The following PAK3 variants were observed in gnomAD, a reference collection of about 807,000 sequenced individuals.
PAK3 encodes p21 (RAC1) activated kinase 3, also known as serine/threonine-protein kinase PAK 3.
PAK3 carries 4 observed loss-of-function variants against 41.0 expected under a neutral mutation model. The observed-to-expected ratio is 0.10, with a 90% CI of 0.05 to 0.22. The LOEUF is 0.22. Ranked by LOEUF, PAK3 falls within the 10% of genes least tolerant of loss-of-function variation. PAK3 has a pLI of 1.00. For missense variants in PAK3, 205 were observed against 409.9 expected, an observed-to-expected ratio of 0.50 and a Z score of 4.32; for synonymous variants, 146 against 139.6, an observed-to-expected ratio of 1.05 and a Z score of -0.32.
intron 10 of PAK3, among the ~76,000 whole-genome samples, chrX:111,172,178 A>G (rs1193620018): frequency 9.0e-6 from 1 of 110,766 alleles, no homozygotes; most frequent in Non-Finnish European, 1.9e-5. Context: ...CAATTTATGT[A>G]CCCACCATCA....
intron 1 of PAK3, among the ~76,000 whole-genome samples, chrX:111,073,064 C>T (rs1299485565): frequency 9.0e-6 from 1 of 111,353 alleles, no homozygotes; most frequent in Admixed American, 9.5e-5. Flanking sequence ...CCATACTCCC[C>T]CACAGTCTAG....
At chrX:110,976,701 A>G (rs1325879676) in intron 1 of PAK3, among the ~76,000 whole-genome samples, 1 of 112,019 alleles carries the variant, frequency 8.9e-6, no homozygotes, top group Non-Finnish European at 1.9e-5. Context: ...AAAGACTTGG[A>G]ACCAACCCAA....
At chrX:111,128,835 C>A (rs1356364942) in intron 5 of PAK3, among the ~76,000 whole-genome samples, 2 of 111,834 alleles carry the variant, frequency 1.8e-5, no homozygotes, top group Non-Finnish European at 3.8e-5. Flanking sequence ...AGAAGATATT[C>A]TTGATAATAG....
At chrX:111,055,505 A>G (rs1442788519) in intron 1 of PAK3, among the ~76,000 whole-genome samples, 1 of 112,206 alleles carries the variant, frequency 8.9e-6, no homozygotes, top group African/African-American at 3.2e-5. Context: ...ACTTGAAACC[A>G]AGATCTGTAA....
At chrX:111,150,637 G>A (rs2094012667) in intron 7 of PAK3, among the ~76,000 whole-genome samples, 1 of 111,300 alleles carries the variant, frequency 9.0e-6, no homozygotes, top group South Asian at 3.8e-4. Context: ...CACGAGAATA[G>A]CATGGGAAAG....
intron 1 of PAK3, among the ~76,000 whole-genome samples, chrX:111,089,133 T>C (rs925568826): frequency 1.8e-5 from 2 of 112,256 alleles, no homozygotes; most frequent in East Asian, 5.6e-4. Flanking sequence ...TTAGTAGTCA[T>C]ATACTAATGT....
intron 1 of PAK3, among the ~76,000 whole-genome samples, chrX:111,036,525 T>C (rs1048710268): frequency 4.5e-5 from 5 of 111,755 alleles, no homozygotes; most frequent in African/African-American, 9.8e-5. Flanking sequence ...AACCATCAGA[T>C]CTTGTGAGAA....
chrX:111,156,280 T>C (rs750856557), intron 8 of PAK3, among the ~76,000 whole-genome samples: 2 of 111,638 alleles, frequency 1.8e-5, no homozygotes, highest in Non-Finnish European at 3.8e-5. Context: ...AAAAAGATAA[T>C]GATGCTGTCT....
At chrX:111,091,613 C>A (rs757001079), upstream of PAK3, among the ~76,000 whole-genome samples, 1 of 111,966 alleles carries the variant, frequency 8.9e-6, no homozygotes, top group South Asian at 3.8e-4. Context: ...TTTTCAGAGA[C>A]CTAGGACAAG....
At chrX:111,149,857 C>T (rs2094001588) in intron 7 of PAK3, among the ~76,000 whole-genome samples, 1 of 112,333 alleles carries the variant, frequency 8.9e-6, no homozygotes, top group African/African-American at 3.2e-5. Flanking sequence ...TAATATTAGG[C>T]TCCTTGCCAC....
intron 1 of PAK3, among the ~76,000 whole-genome samples, chrX:111,032,164 T>A (rs1295463432): frequency 9.0e-6 from 1 of 111,365 alleles, no homozygotes; most frequent in Non-Finnish European, 1.9e-5. Context: ...CAAAAACGGT[T>A]AAGAGGCTCT....
At chrX:111,034,932 C>A (rs1358120509) in intron 1 of PAK3, among the ~76,000 whole-genome samples, 1 of 107,478 alleles carries the variant, frequency 9.3e-6, no homozygotes, top group Admixed American at 1.0e-4. Context: ...ATGGAGAAAT[C>A]CCATCTCTAC....
intron 1 of PAK3, among the ~76,000 whole-genome samples, chrX:110,990,006 A>G (rs2091614247): frequency 2.7e-5 from 3 of 112,024 alleles, no homozygotes; most frequent in Non-Finnish European, 3.8e-5. Context: ...TGCTCCAGTG[A>G]TAGAATCAAG....
intron 1 of PAK3, among the ~76,000 whole-genome samples, chrX:110,976,146 A>C (rs779472919): frequency 3.4e-4 from 38 of 112,498 alleles, no homozygotes; most frequent in Non-Finnish European, 6.4e-4. Flanking sequence ...TGCATGGCAA[A>C]CAAACTACCA....
chrX:111,129,136 G>A (rs939277814), intron 5 of PAK3, among the ~76,000 whole-genome samples: 2 of 111,643 alleles, frequency 1.8e-5, no homozygotes, highest in Non-Finnish European at 3.8e-5. Flanking sequence ...TCAATCAAAT[G>A]TTTTGGTCAA....
chrX:111,062,783 G>A (rs1377804747), intron 1 of PAK3, among the ~76,000 whole-genome samples: 1 of 110,656 alleles, frequency 9.0e-6, no homozygotes, highest in Non-Finnish European at 1.9e-5. Flanking sequence ...AAAGAACTGT[G>A]ATTTGTTCCA....
chrX:111,125,708 C>T (rs1380685654), intron 5 of PAK3, among the ~76,000 whole-genome samples: 3 of 111,682 alleles, frequency 2.7e-5, no homozygotes, highest in Admixed American at 9.5e-5. Context: ...CCATTTAATA[C>T]TGTTGCTGGA....
Position 111,216,492 on chromosome X carries a change from T to C in PAK3, c.1479T>C (p.Arg493=). 8.4e-7 allele frequency: 1 copy of C among 1,192,460 alleles called. No homozygotes were observed. Among genetic ancestry groups the C allele is most frequent in the Non-Finnish European group, 1.1e-6 (1 of 877,837 alleles). ...QNPERLSAVF[R]DFLNRCLEMD... The stretch of plus-strand genomic sequence containing the variant: ...CTGAGAGACTGTCAGCTGTATTCCG[T>C]GACTTTTTAAATCGCTGTCTTGAGA... Residue 493 remains arginine, a synonymous_variant, in exon 17 of 18, where the codon CGT becomes CGC. Coordinates refer to ENST00000372007, the MANE Select transcript of PAK3 (RefSeq NM_002578.5).
At chrX:111,031,178 A>G (rs989450738) in intron 1 of PAK3, among the ~76,000 whole-genome samples, 3 of 112,140 alleles carry the variant, frequency 2.7e-5, no homozygotes, top group Non-Finnish European at 5.6e-5. Context: ...GTCACAGTCT[A>G]GTGAAATAGA....
Sources: gnomAD v4.1 joint callset for allele counts (sites outside exome capture counted in the v4.1 genomes callset) on GRCh38, gnomAD v4.1.1 for gene constraint, MANE v1.5 for transcripts, NCBI Gene and HGNC (gene_info 2026-07-23, HGNC 2026-07-21) for gene names.